SLC2A5: variants seen among roughly 807,000 people sequenced by gnomAD.
The protein encoded by SLC2A5 is solute carrier family 2, facilitated glucose transporter member 5.
SLC2A5 carries 56 observed loss-of-function variants against 50.3 expected under a neutral mutation model. That is an observed-to-expected ratio of 1.11 (90% CI 0.90 to 1.39). The LOEUF (loss-of-function observed/expected upper bound fraction) is 1.39. Among genes scored for constraint, SLC2A5 ranks in the 40% most tolerant of loss-of-function variants. The pLI, the probability that SLC2A5 is intolerant of heterozygous loss-of-function variation, is 0.00. For missense variants in SLC2A5, 566 were observed against 650.1 expected (o/e 0.87, Z 1.41); for synonymous variants, 269 against 281.9 (o/e 0.95, Z 0.46).
intron 7 of SLC2A5, 53 bp downstream of exon 7, chr1:9,039,747 G>A: frequency 7.0e-7 from 1 of 1,431,078 alleles, no homozygotes; most frequent in South Asian, 1.5e-5. Flanking sequence ...CAGGACCTGC[G>A]CCCCGCGCCC....
In SLC2A5 at chr1:9,037,298, C is replaced by A. The variant is rs1363041040; in HGVS notation, c.*288G>T. On this transcript the variant is annotated 3_prime_UTR_variant, in exon 12 of 12. Coordinates refer to ENST00000377424, the MANE Select transcript of SLC2A5 (RefSeq NM_003039.3). Reference sequence around the variant, plus strand: ...CAAAGGTTGACCCATCAAGGTGGAGCCACGTTACCAGGAGCCACACGAAGG... The same window carrying A: ...CAAAGGTTGACCCATCAAGGTGGAGACACGTTACCAGGAGCCACACGAAGG... The A allele has an allele frequency of 1.0e-5, 4 of 395,238 alleles. No homozygotes were observed. Among genetic ancestry groups the A allele is most frequent in the Non-Finnish European group, 1.9e-5 (4 of 212,190 alleles). The allele number at this position is 395,238 out of a possible 1,614,324, so 24.5% of individuals were successfully genotyped here.
At chr1:9,059,135 TC>T (rs373231099) in intron 1 of SLC2A5, among the ~76,000 whole-genome samples, 1,017 of 63,320 alleles carry the variant, frequency 0.016, 79 homozygotes, top group East Asian at 0.048. Context: ...CGCCTTTCTT[TC>T]TTTTTTTTTT....
chr1:9,050,938 A>C (rs193232971), intron 3 of SLC2A5, among the ~76,000 whole-genome samples: 363 of 152,294 alleles, frequency 2.4e-3, no homozygotes, highest in Non-Finnish European at 3.8e-3. Context: ...CTCAAAATAC[A>C]TACAGCGTCA....
At chr1:9,045,870 C>CAAAAAAA (rs59265235) in intron 4 of SLC2A5, among the ~76,000 whole-genome samples, 1 of 93,032 alleles carries the variant, frequency 1.1e-5, no homozygotes, top group Admixed American at 1.2e-4. Context: ...AACTCCATCT[C>CAAAAAAA]AAAAAAAAAA....
At chr1:9,083,243 T>G (rs908665237) in intron 2 of SLC2A5, among the ~76,000 whole-genome samples, 1 of 152,222 alleles carries the variant, frequency 6.6e-6, no homozygotes, top group Admixed American at 6.5e-5. Context: ...GGGAAGAGTA[T>G]GCTTGAAGCA....
At chr1:9,062,786 C>T (rs1322389385) in intron 1 of SLC2A5, among the ~76,000 whole-genome samples, 1 of 151,942 alleles carries the variant, frequency 6.6e-6, no homozygotes, top group African/African-American at 2.4e-5. Flanking sequence ...GCAGGAGAAT[C>T]GCTTGAACCT....
At chr1:9,057,645 T>C (rs1424064029) in intron 2 of SLC2A5, 37 bp from the exon 3 acceptor site, 3 of 1,594,250 alleles carry the variant, frequency 1.9e-6, no homozygotes, top group African/African-American at 2.7e-5. Context: ...CAAAATAATT[T>C]GATCCGGTTT....
At chr1:9,093,275 TCCAGGGACTCC>T (rs930354957), upstream of SLC2A5, among the ~76,000 whole-genome samples, 5 of 151,974 alleles carry the variant, frequency 3.3e-5, no homozygotes, top group African/African-American at 1.2e-4. Context: ...GCAGCAAAAC[TCCAGGGACTCC>T]CCAGCTGGTT....
At chr1:9,063,681 CTTTTTTTTTTTTT>C (rs70985579) in intron 1 of SLC2A5, among the ~76,000 whole-genome samples, 8 of 45,174 alleles carry the variant, frequency 1.8e-4, no homozygotes, top group South Asian at 1.8e-3. Flanking sequence ...CTATTATTTA[CTTTTTTTTTTTTT>C]TTTTTTTTTT....
At chr1:9,052,979 T>A (rs1276127011) in intron 3 of SLC2A5, among the ~76,000 whole-genome samples, 2 of 137,550 alleles carry the variant, frequency 1.5e-5, no homozygotes, top group Non-Finnish European at 3.0e-5. Context: ...AAAAAATATA[T>A]ATATATATAT....
At chr1:9,070,303 A>T (rs1461764449), upstream of SLC2A5, among the ~76,000 whole-genome samples, 1 of 151,140 alleles carries the variant, frequency 6.6e-6, no homozygotes, top group Non-Finnish European at 1.5e-5. Context: ...CTGGTCTCGA[A>T]CTCCTGACCT....
intron 2 of SLC2A5, among the ~76,000 whole-genome samples, chr1:9,079,058 C>T (rs1642324502): frequency 6.6e-6 from 1 of 152,156 alleles, no homozygotes; most frequent in African/African-American, 2.4e-5. Flanking sequence ...TCTTCCTCTT[C>T]TGTGAAAAGC....
Position 9,047,700 on chromosome 1 carries a change from T to C in SLC2A5, c.328A>G (p.Ile110Val), listed in dbSNP as rs146964071. The C allele has an allele frequency of 1.2e-3, 1,873 of 1,613,984 alleles. 38 individuals are homozygous for C. In the Admixed American group the frequency reaches 0.029, roughly 25 times the overall value. The change falls in exon 4 of 12, where the codon ATC becomes GTC. Residue 110 changes from isoleucine to valine, a missense_variant. Coordinates refer to ENST00000377424, the MANE Select transcript of SLC2A5 (RefSeq NM_003039.3). ...CATCCCATTAAGATCGCAGGCACGA[T>C]AGAAAATATGTTGTTGAACAGCAAG... is the stretch of plus-strand genomic sequence containing the variant. ...GALLFNNIFSIVPAILMGCSR... is the reference protein window; with the variant it reads ...GALLFNNIFSVVPAILMGCSR...
chr1:9,080,849 G>C (rs955250590), intron 2 of SLC2A5, among the ~76,000 whole-genome samples: 1 of 152,144 alleles, frequency 6.6e-6, no homozygotes, highest in African/African-American at 2.4e-5. Flanking sequence ...CTCTCGCCTG[G>C]GGCGATAGGT....
At position 9,039,682 on chromosome 1, in the gene SLC2A5, C is replaced by T. The variant is rs1641242493; in HGVS notation, c.886-20G>A. ...GTAGATCTGCAAGGCAAGCGCGGGG[C>T]TGGGCGGCTGCCCGGAGGAGGCGGC... is the stretch of plus-strand genomic sequence containing the variant. On this transcript the variant is annotated intron_variant, in intron 7 of 11. Transcript: ENST00000377424. 2.7e-6 allele frequency: 4 copies of T among 1,504,006 alleles called. No individual in the cohort carries two copies. The highest frequency in any genetic ancestry group is 3.6e-6 in the Non-Finnish European group (4 of 1,124,614). 93.2% of individuals were successfully genotyped at this position (1,504,006 alleles called of 1,614,324 possible).
intron 3 of SLC2A5, among the ~76,000 whole-genome samples, chr1:9,051,114 C>T (rs866884189): frequency 1.3e-4 from 20 of 151,890 alleles, no homozygotes; most frequent in African/African-American, 4.6e-4. Context: ...TAAGGTAGTA[C>T]ACCCCTCCTG....
intron 3 of SLC2A5, among the ~76,000 whole-genome samples, 173 bp downstream of exon 3, chr1:9,057,275 G>T (rs561640705): frequency 8.4e-6 from 1 of 118,388 alleles, no homozygotes; most frequent in African/African-American, 3.3e-5. Context: ...GACAGAGCAA[G>T]ACTCCATCTC....
chr1:9,086,381 C>T (rs1250577499), intron 1 of SLC2A5, among the ~76,000 whole-genome samples: 1 of 132,392 alleles, frequency 7.6e-6, no homozygotes, highest in South Asian at 2.4e-4. Flanking sequence ...TTTTCTTTTT[C>T]TCTCTCTTTT....
intron 2 of SLC2A5, among the ~76,000 whole-genome samples, chr1:9,077,773 G>GAGAGAGGGAGGGAGGT (rs1642308273): frequency 7.4e-6 from 1 of 135,682 alleles, no homozygotes; most frequent in Non-Finnish European, 1.6e-5. Flanking sequence ...GGGAGGGAGG[G>GAGAGAGGGAGGGAGGT]AGGGAAAGAA....
Sources: allele counts gnomAD v4.1 joint callset (sites outside exome capture counted in the v4.1 genomes callset), GRCh38; gene constraint gnomAD v4.1.1; transcripts MANE v1.5; gene names NCBI Gene and HGNC (gene_info 2026-07-23, HGNC 2026-07-21).